VPS13B: variants seen among roughly 807,000 people sequenced by gnomAD.
VPS13B encodes the protein vacuolar protein sorting 13 homolog B.
In VPS13B, 285 loss-of-function variants were observed where a neutral mutation model predicts 426.4. The observed-to-expected ratio is 0.67, with a 90% CI of 0.61 to 0.74. The LOEUF is 0.74. Ranked by LOEUF, VPS13B falls within the 30% of genes least tolerant of loss-of-function variation. VPS13B has a pLI of 0.00. For missense variants in VPS13B, 4,537 were observed against 4,782.6 expected, an observed-to-expected ratio of 0.95 and a Z score of 1.51; for synonymous variants, 1,676 against 1,676.4, an observed-to-expected ratio of 1.00 and a Z score of 0.01.
At chr8:99,335,890 C>G (rs1402762077) in intron 19 of VPS13B, among the ~76,000 whole-genome samples, 1 of 152,164 alleles carries the variant, frequency 6.6e-6, no homozygotes, top group Non-Finnish European at 1.5e-5. Flanking sequence ...GAAGGACATT[C>G]CATGCTCATG....
chr8:99,672,154 G>A (rs1039712942), intron 35 of VPS13B, among the ~76,000 whole-genome samples: 11 of 152,236 alleles, frequency 7.2e-5, no homozygotes, highest in African/African-American at 2.6e-4. Flanking sequence ...CTATTTCTGT[G>A]AAGAATGTTT....
At chr8:99,148,216 A>G (rs1331145155) in intron 14 of VPS13B, among the ~76,000 whole-genome samples, 2 of 151,880 alleles carry the variant, frequency 1.3e-5, no homozygotes, top group Non-Finnish European at 2.9e-5. Flanking sequence ...TCTCTAAAAA[A>G]AATTTGGCAC....
intron 3 of VPS13B, among the ~76,000 whole-genome samples, chr8:99,071,851 C>G (rs1844869315): frequency 1.3e-5 from 2 of 152,168 alleles, no homozygotes; most frequent in Admixed American, 1.3e-4. Flanking sequence ...TTGTGGCCAT[C>G]ATCACCCCAG....
In VPS13B at chr8:99,875,502, C is replaced by A. The variant is rs769868143; in HGVS notation, c.11830C>A (p.Pro3944Thr). ...CACAAAGACATCTTGTCACCTGGCC[C>A]CCAGCTGTTCTTCCATGCAAATACC... ...YITKTSCHLA[P>T]SCSSMQIPCP... The change falls in exon 62 of 62, where the codon CCC becomes ACC. Residue 3944 changes from proline (P) to threonine (T), a missense_variant. Coordinates refer to ENST00000357162, the MANE Select transcript of VPS13B (RefSeq NM_152564.5). The A allele has an allele frequency of 1.2e-6, 2 of 1,614,158 alleles. No individual in the cohort carries two copies. Among genetic ancestry groups the A allele is most frequent in the Non-Finnish European group, 1.7e-6 (2 of 1,180,028 alleles).
At chr8:99,477,751 A>G (rs1819774479) in intron 24 of VPS13B, among the ~76,000 whole-genome samples, 1 of 152,232 alleles carries the variant, frequency 6.6e-6, no homozygotes, top group South Asian at 2.1e-4. Flanking sequence ...ACTGTATCAG[A>G]CATTACTGTC....
At chr8:99,349,350 A>AAAAAAAAAG (rs1184275418) in intron 19 of VPS13B, among the ~76,000 whole-genome samples, 25 of 147,398 alleles carry the variant, frequency 1.7e-4, no homozygotes, top group African/African-American at 6.0e-4. Context: ...AAAAAAAAAA[A>AAAAAAAAAG]AAAAAGAAAA....
intron 19 of VPS13B, among the ~76,000 whole-genome samples, chr8:99,321,210 C>CTTTTTTTTTTT (rs58817658): frequency 1.1e-5 from 1 of 93,994 alleles, no homozygotes; most frequent in East Asian, 2.6e-4. Context: ...TTTTCTTTTT[C>CTTTTTTTTTTT]TTTTTTTTTT....
At chr8:99,250,506 GC>G (rs1390675276) in intron 17 of VPS13B, among the ~76,000 whole-genome samples, 1 of 151,728 alleles carries the variant, frequency 6.6e-6, no homozygotes, top group African/African-American at 2.4e-5. Context: ...CCTAGATTTG[GC>G]ATTAATGTTT....
chr8:99,039,503 A>T (rs1842884282), intron 3 of VPS13B, among the ~76,000 whole-genome samples: 1 of 150,174 alleles, frequency 6.7e-6, no homozygotes, highest in South Asian at 2.1e-4. Flanking sequence ...TTCCACTTTC[A>T]CCTTGCAGAA....
chr8:99,459,753 T>G (rs1306026326), intron 23 of VPS13B, among the ~76,000 whole-genome samples: 1 of 152,146 alleles, frequency 6.6e-6, no homozygotes, highest in African/African-American at 2.4e-5. Context: ...AAGTGAAACA[T>G]TGTTATGTAG....
intron 25 of VPS13B, among the ~76,000 whole-genome samples, chr8:99,487,766 G>T (rs190445381): frequency 1.5e-3 from 231 of 152,194 alleles, no homozygotes; most frequent in African/African-American, 5.1e-3. Flanking sequence ...CTTTCTTTGT[G>T]TGTATCAGAA....
intron 44 of VPS13B, among the ~76,000 whole-genome samples, chr8:99,814,109 C>T (rs902423999): frequency 1.3e-5 from 2 of 152,104 alleles, no homozygotes; most frequent in African/African-American, 4.8e-5. Flanking sequence ...CACTGCATTC[C>T]ACCTTGGGTG....
intron 39 of VPS13B, among the ~76,000 whole-genome samples, chr8:99,762,185 C>T (rs1244738081): frequency 6.6e-6 from 1 of 152,052 alleles, no homozygotes; most frequent in Non-Finnish European, 1.5e-5. Context: ...GCCATCATGC[C>T]CAGCTAATTT....
chr8:99,676,537 C>G (rs1194888553), intron 35 of VPS13B, among the ~76,000 whole-genome samples: 1 of 151,808 alleles, frequency 6.6e-6, no homozygotes, highest in Admixed American at 6.6e-5. Flanking sequence ...CTAGTTCCCC[C>G]AAGCAGACGG....
chr8:99,075,846 A>G lies in VPS13B; in HGVS notation c.292-20466A>G, dbSNP rs575514872. ...AAGCTAACTTTTTGTTTCATTGATCATGTATATTGTTTAGTCTCTAGTTAT... is the reference window on the plus strand; with the variant it reads ...AAGCTAACTTTTTGTTTCATTGATCGTGTATATTGTTTAGTCTCTAGTTAT... On this transcript the variant is annotated intron_variant, in intron 3 of 61. Transcript: ENST00000357162. 5.9e-5 allele frequency among the ~76,000 whole-genome samples: 9 copies of G among 152,154 alleles called. No individual in the cohort carries two copies. The East Asian group carries it at 1.7e-3, about 29-fold the overall frequency.
At chr8:99,542,112 G>C (rs573374197) in intron 30 of VPS13B, among the ~76,000 whole-genome samples, 1 of 151,990 alleles carries the variant, frequency 6.6e-6, no homozygotes, top group Non-Finnish European at 1.5e-5. Context: ...GATGGTCTCC[G>C]TCTCCTGACC....
chr8:99,501,282 A>C (rs1222760363), intron 25 of VPS13B, among the ~76,000 whole-genome samples: 1 of 152,202 alleles, frequency 6.6e-6, no homozygotes, highest in Non-Finnish European at 1.5e-5. Context: ...GCAACTACTC[A>C]ACTCTGCTGA....
At chr8:99,143,246 A>G in intron 13 of VPS13B, 81 bp downstream of exon 13, 1 of 1,585,370 alleles carries the variant, frequency 6.3e-7, no homozygotes, top group Non-Finnish European at 8.6e-7. Flanking sequence ...TGTCTTGCTA[A>G]CTTTACGTTT....
chr8:99,047,472 G>C (rs1405611333), intron 3 of VPS13B, among the ~76,000 whole-genome samples: 2 of 151,912 alleles, frequency 1.3e-5, no homozygotes, highest in African/African-American at 4.8e-5. Flanking sequence ...CCTTTTTAAA[G>C]AACCAGCTTT....
Sources: allele counts gnomAD v4.1 joint callset (sites outside exome capture counted in the v4.1 genomes callset), GRCh38; gene constraint gnomAD v4.1.1; transcripts MANE v1.5; gene names NCBI Gene and HGNC (gene_info 2026-07-23, HGNC 2026-07-21).